The following UQCC1 variants were observed in gnomAD, a reference collection of about 807,000 sequenced individuals.
UQCC1 encodes the protein bFGF-repressed Zic-binding protein.
In UQCC1, 38 loss-of-function variants were observed where a neutral mutation model predicts 48.0. That is an observed-to-expected ratio of 0.79 (90% CI 0.61 to 1.04). UQCC1 has a LOEUF of 1.04. UQCC1 is among the 50% of genes least tolerant of loss of function. The pLI is 0.00. For synonymous variants in UQCC1, 111 were observed against 129.2 expected (o/e 0.86, Z 0.95); for missense variants, 368 against 381.8 (o/e 0.96, Z 0.30).
chr20:35,336,049 G>C (rs1427541558), intron 7 of UQCC1, among the ~76,000 whole-genome samples: 2 of 152,200 alleles, frequency 1.3e-5, no homozygotes, highest in East Asian at 3.9e-4. Context: ...CTTATGGACT[G>C]AAAGGTTCAA....
chr20:35,314,812 A>G, intron 7 of UQCC1, 47 bp from the exon 8 acceptor site: 1 of 1,503,504 alleles, frequency 6.7e-7, no homozygotes, highest in South Asian at 1.2e-5. Flanking sequence ...AAAGAAAGAA[A>G]AAAACCCAAA....
chr20:35,325,342 T>C (rs2061180726), intron 7 of UQCC1, among the ~76,000 whole-genome samples: 1 of 152,232 alleles, frequency 6.6e-6, no homozygotes, highest in East Asian at 1.9e-4. Context: ...AAATGATAAA[T>C]ATTATGTATG....
chr20:35,304,037 A>C lies in UQCC1; in HGVS notation c.798T>G (p.Asp266Glu), dbSNP rs759354968. ...IQYLDSMNGE[D>E]LLLTGEVSWR... ...AGCTCACCTCCCCTGTCAGAAGCAG[A>C]TCCTCCCCGTTCATGGAGTCCAGGT... Residue 266 changes from aspartate (D) to glutamate (E), a missense_variant, in exon 10 of 10, where the codon GAT becomes GAG. Physicochemically the swap from Asp to Glu is conservative, Grantham distance 45 (BLOSUM62 2). Coordinates refer to ENST00000374385, the MANE Select transcript of UQCC1 (RefSeq NM_018244.5). The C allele has an allele frequency of 1.9e-6, 3 of 1,614,100 alleles. No homozygotes were observed. The highest frequency in any genetic ancestry group is 1.7e-6 in the Non-Finnish European group (2 of 1,179,996).
chr20:35,384,907 C>A (rs1373105361), intron 2 of UQCC1, among the ~76,000 whole-genome samples: 1 of 133,390 alleles, frequency 7.5e-6, no homozygotes, highest in Admixed American at 9.2e-5. Context: ...GCAAAGGTTG[C>A]AGTGAACCAA....
chr20:35,307,408 G>A (rs2060941706), intron 8 of UQCC1, among the ~76,000 whole-genome samples: 1 of 152,230 alleles, frequency 6.6e-6, no homozygotes, highest in African/African-American at 2.4e-5. Context: ...GCATGTGTGT[G>A]TGTGCCTAAC....
intron 8 of UQCC1, 187 bp from the exon 9 acceptor site, chr20:35,306,966 C>G: frequency 4.7e-6 from 3 of 640,190 alleles, no homozygotes; most frequent in Non-Finnish European, 8.6e-6. Context: ...TGGCCCAATC[C>G]CTTCATTTTA....
Position 35,343,354 on chromosome 20 carries a change from C to T in UQCC1, c.573+3810G>A, listed in dbSNP as rs965342703. On this transcript the variant is annotated intron_variant, in intron 7 of 9. Transcript: ENST00000374385. ...CACAGAAGAGGAAAGATTTGCCAGT[C>T]AGGGTGAGAACCAGGCCAGACTGGC... Among the ~76,000 whole-genome samples, 73 of 152,064 alleles carry T rather than the reference C, an allele frequency of 4.8e-4. 1 individual carries two copies. Among genetic ancestry groups the T allele is most frequent in the Admixed American group, 4.2e-3 (64 of 15,264 alleles).
intron 5 of UQCC1, 52 bp from the exon 6 acceptor site, chr20:35,366,666 T>C (rs924561432): frequency 1.3e-6 from 2 of 1,482,874 alleles, no homozygotes; most frequent in African/African-American, 1.4e-5. Flanking sequence ...GGAAGCATAT[T>C]GACCATATAT....
chr20:35,354,504 C>A (rs1233392072), intron 6 of UQCC1, among the ~76,000 whole-genome samples: 2 of 151,706 alleles, frequency 1.3e-5, no homozygotes, highest in East Asian at 3.9e-4. Context: ...TCACGCCATT[C>A]TTCTGCCTCA....
rs951193013 is a variant in UQCC1 at position 35,383,898 on chromosome 20, G to C, written c.225+140C>G. 7.1e-5 allele frequency: 44 copies of C among 617,506 alleles called. No homozygotes were observed. In the South Asian group the frequency reaches 8.6e-4, roughly 12 times the overall value. 38.3% of individuals were successfully genotyped at this position (617,506 alleles called of 1,614,324 possible). A position where few individuals can be genotyped will look rare whatever the true frequency, so the allele number is the denominator to read the frequency against. On this transcript the variant is annotated intron_variant, in intron 3 of 9. Transcript: ENST00000374385. ...TCTGCCACTTACTTACCATCCTTGT[G>C]ACCTTGGGCAAGTCACTTTACCCCC...
intron 2 of UQCC1, among the ~76,000 whole-genome samples, chr20:35,386,895 T>A (rs1217741358): frequency 2.0e-5 from 3 of 152,022 alleles, no homozygotes; most frequent in African/African-American, 7.2e-5. Flanking sequence ...ACATTTACTT[T>A]TTTGTACTAC....
chr20:35,325,868 A>C (rs531338091), intron 7 of UQCC1, among the ~76,000 whole-genome samples: 2 of 152,204 alleles, frequency 1.3e-5, no homozygotes, highest in African/African-American at 2.4e-5. Context: ...AAAACAAAAA[A>C]ACACACACAA....
chr20:35,391,121 G>A (rs767156159), intron 2 of UQCC1, among the ~76,000 whole-genome samples: 37 of 151,906 alleles, frequency 2.4e-4, no homozygotes, highest in Non-Finnish European at 4.6e-4. Context: ...ACTTGAACAG[G>A]AGGCAGAGGT....
chr20:35,366,908 A>C (rs1424484284), intron 5 of UQCC1, among the ~76,000 whole-genome samples: 1 of 152,074 alleles, frequency 6.6e-6, no homozygotes, highest in African/African-American at 2.4e-5. Context: ...AGCCTGGCCA[A>C]CATGGCGAAA....
At chr20:35,310,855 G>A (rs1169244771) in intron 8 of UQCC1, among the ~76,000 whole-genome samples, 65 of 136,326 alleles carry the variant, frequency 4.8e-4, no homozygotes, top group African/African-American at 1.8e-3. Flanking sequence ...ACCATGCCGG[G>A]CTAATTTTTT....
chr20:35,306,360 C>A, intron 9 of UQCC1: 1 of 312,462 alleles, frequency 3.2e-6, no homozygotes, highest in Non-Finnish European at 6.2e-6. Flanking sequence ...GTGGGCCCAG[C>A]TGCTAGCATA....
intron 7 of UQCC1, among the ~76,000 whole-genome samples, chr20:35,322,995 C>T (rs1443070681): frequency 6.6e-6 from 1 of 152,018 alleles, no homozygotes; most frequent in East Asian, 1.9e-4. Context: ...CTACAGGCGC[C>T]TACCACCATG....
At chr20:35,356,287 C>G (rs1401431969) in intron 6 of UQCC1, among the ~76,000 whole-genome samples, 3 of 152,198 alleles carry the variant, frequency 2.0e-5, no homozygotes, top group Non-Finnish European at 1.5e-5. Context: ...TGTGTTTCAT[C>G]CACAGACACC....
chr20:35,329,408 C>A (rs563020678), intron 7 of UQCC1, among the ~76,000 whole-genome samples: 1 of 152,296 alleles, frequency 6.6e-6, no homozygotes, highest in South Asian at 2.1e-4. Flanking sequence ...GAGAACCAGG[C>A]ACGTCACATT....
Sources: allele counts gnomAD v4.1 joint callset (sites outside exome capture counted in the v4.1 genomes callset), GRCh38; gene constraint gnomAD v4.1.1; transcripts MANE v1.5; gene names NCBI Gene and HGNC (gene_info 2026-07-23, HGNC 2026-07-21).